Variants in SH3GL3 observed in about 807,000 individuals in gnomAD.
The protein encoded by SH3GL3 is SH3 domain containing GRB2 like 3, endophilin A3, also known as endophilin-A3.
In SH3GL3, 33 loss-of-function variants were observed where a neutral mutation model predicts 47.7. The ratio of observed to expected loss-of-function variants is 0.69; its 90% CI spans 0.52 to 0.92. SH3GL3 has a LOEUF of 0.92. SH3GL3 is among the 40% of genes least tolerant of loss of function. The probability of loss-of-function intolerance (pLI) is 0.00; values close to 1 mark genes in which losing one functional copy is unlikely to be tolerated. For missense variants in SH3GL3, 363 were observed against 417.8 expected (o/e 0.87, Z 1.14); for synonymous variants, 155 against 148.8 (o/e 1.04, Z -0.30).
chr15:83,524,005 T>C (rs1366736220), intron 1 of SH3GL3, among the ~76,000 whole-genome samples: 2 of 150,904 alleles, frequency 1.3e-5, no homozygotes, highest in African/African-American at 4.9e-5. Context: ...AGAAAGTTAG[T>C]AGGAACTGGT....
intron 1 of SH3GL3, among the ~76,000 whole-genome samples, chr15:83,503,873 A>C (rs149182885): frequency 2.3e-4 from 35 of 152,362 alleles, no homozygotes; most frequent in Middle Eastern, 6.8e-3. Flanking sequence ...ATAGTGTAAG[A>C]AAAGGCGCAT....
At position 83,609,108 on chromosome 15, in the gene SH3GL3, G is replaced by A. The variant is rs569845029; in HGVS notation, c.839-8974G>A. Among the ~76,000 whole-genome samples, 11 of 152,264 alleles carry A rather than the reference G, an allele frequency of 7.2e-5. No individual in the cohort carries two copies. The East Asian group carries it at 9.7e-4, about 13-fold the overall frequency. On this transcript the variant is annotated intron_variant, in intron 8 of 8. Coordinates refer to ENST00000427482, the MANE Select transcript of SH3GL3 (RefSeq NM_003027.5). Reference sequence around the variant, plus strand: ...GTTCATACCTTTGGGTCTCAATTTCGTCATCTGACGAGTGCGGATTCTCAT... The same window carrying A: ...GTTCATACCTTTGGGTCTCAATTTCATCATCTGACGAGTGCGGATTCTCAT...
chr15:83,581,949 C>G (rs2059838866), intron 6 of SH3GL3, among the ~76,000 whole-genome samples: 2 of 152,160 alleles, frequency 1.3e-5, no homozygotes, highest in South Asian at 4.1e-4. Flanking sequence ...CTCCAACTTT[C>G]CAGGGATCCA....
chr15:83,592,218 A>C (rs2060126437), intron 8 of SH3GL3, among the ~76,000 whole-genome samples: 2 of 152,194 alleles, frequency 1.3e-5, no homozygotes, highest in African/African-American at 4.8e-5. Flanking sequence ...TTAGCTTCCT[A>C]ACCCTTGGTC....
intron 4 of SH3GL3, among the ~76,000 whole-genome samples, 188 bp from the exon 5 acceptor site, chr15:83,572,377 G>C (rs1185728147): frequency 6.6e-6 from 1 of 152,170 alleles, no homozygotes; most frequent in African/African-American, 2.4e-5. Context: ...AGACCATAGA[G>C]AGGAAAATAC....
intron 1 of SH3GL3, among the ~76,000 whole-genome samples, chr15:83,475,656 C>T (rs2041063172): frequency 1.3e-5 from 2 of 152,198 alleles, no homozygotes; most frequent in Non-Finnish European, 1.5e-5. Flanking sequence ...ATTTTGGTTA[C>T]TTCCTGTGCC....
intron 1 of SH3GL3, among the ~76,000 whole-genome samples, chr15:83,510,854 C>T (rs1317285286): frequency 6.6e-6 from 1 of 151,636 alleles, no homozygotes; most frequent in African/African-American, 2.4e-5. Flanking sequence ...AGAGCATATC[C>T]ACCGCCAAGC....
At position 83,448,223 on chromosome 15, in the gene SH3GL3, A is replaced by T. The variant is rs2039544021; in HGVS notation, c.45+645A>T. On this transcript the variant is annotated intron_variant, in intron 1 of 8. Transcript: ENST00000427482. This position sits in a 1 kb window ranked among gnomAD's most constrained non-coding sequence, Gnocchi z 4.2. ...AGAGCTGACAGCCTGCAGGGGAGAC[A>T]CGGAGACAGACACGTAAACAAACAG... Among the ~76,000 whole-genome samples, 1 of 152,200 alleles carries T rather than the reference A, an allele frequency of 6.6e-6. No homozygotes were observed. Among genetic ancestry groups the T allele is most frequent in the African/African-American group, 2.4e-5 (1 of 41,460 alleles).
At chr15:83,489,837 C>CGATAGATAGATAGATA (rs60233650) in intron 1 of SH3GL3, among the ~76,000 whole-genome samples, 2 of 144,642 alleles carry the variant, frequency 1.4e-5, no homozygotes, top group African/African-American at 2.6e-5. Flanking sequence ...TGTCAGAAGC[C>CGATAGATAGATAGATA]GATAGATAGA....
In SH3GL3 at chr15:83,510,092, T is replaced by C. The variant is rs1490592689; in HGVS notation, c.46-49161T>C. On this transcript the variant is annotated intron_variant, in intron 1 of 8. Transcript: ENST00000427482. ...AGTGTCATGGAAGGCTTAAGGATTCTTTTTTTTTTTTGCTGATACAAAGTA... is the reference window on the plus strand; with the variant it reads ...AGTGTCATGGAAGGCTTAAGGATTCCTTTTTTTTTTTGCTGATACAAAGTA... Among the ~76,000 whole-genome samples, 3 of 5,276 alleles carry C rather than the reference T, an allele frequency of 5.7e-4. No individual in the cohort carries two copies. The East Asian group carries it at 7.1e-3, about 13-fold the overall frequency. The allele number at this position is 5,276 out of a possible 152,430, so 3.5% of individuals were successfully genotyped here.
intron 1 of SH3GL3, among the ~76,000 whole-genome samples, chr15:83,516,560 TAAC>T (rs2042987091): frequency 6.6e-6 from 1 of 152,034 alleles, no homozygotes; most frequent in South Asian, 2.1e-4. Context: ...TTCGGGAAGA[TAAC>T]AATCACAGTG....
At chr15:83,559,107 C>G (rs2045114379) in intron 1 of SH3GL3, 146 bp from the exon 2 acceptor site, 2 of 619,716 alleles carry the variant, frequency 3.2e-6, no homozygotes, top group Admixed American at 5.8e-5. Context: ...TATGGTTACC[C>G]CTTCCAACAA....
At chr15:83,501,489 A>G (rs1422721967) in intron 1 of SH3GL3, among the ~76,000 whole-genome samples, 2 of 152,242 alleles carry the variant, frequency 1.3e-5, no homozygotes, top group Non-Finnish European at 2.9e-5. Flanking sequence ...GATTATTGGC[A>G]TCGCAAGAGG....
chr15:83,559,383 C>A, intron 2 of SH3GL3, 62 bp downstream of exon 2: 1 of 881,588 alleles, frequency 1.1e-6, no homozygotes, highest in South Asian at 1.3e-5. Flanking sequence ...ATGAGATATA[C>A]TGCTATTGTA....
At chr15:83,613,534 G>A (rs1362083265) in intron 8 of SH3GL3, among the ~76,000 whole-genome samples, 1 of 152,156 alleles carries the variant, frequency 6.6e-6, no homozygotes, top group East Asian at 1.9e-4. Flanking sequence ...TGGAGGTGGT[G>A]CATACACTTG....
At chr15:83,564,358 T>C (rs2045434126) in intron 2 of SH3GL3, among the ~76,000 whole-genome samples, 1 of 152,240 alleles carries the variant, frequency 6.6e-6, no homozygotes, top group South Asian at 2.1e-4. Flanking sequence ...GTTTTTCAAA[T>C]AGGTGTTGTG....
chr15:83,526,294 G>A (rs1392716175), intron 1 of SH3GL3, among the ~76,000 whole-genome samples: 2 of 152,124 alleles, frequency 1.3e-5, no homozygotes, highest in African/African-American at 4.8e-5. Context: ...CTGCCATTTG[G>A]CCCAGCAATC....
At chr15:83,617,583 C>T (rs981851248) in intron 8 of SH3GL3, among the ~76,000 whole-genome samples, 4 of 152,142 alleles carry the variant, frequency 2.6e-5, no homozygotes, top group East Asian at 1.9e-4. Flanking sequence ...GGCTGAGGCA[C>T]GAAAATTTCT....
intron 8 of SH3GL3, among the ~76,000 whole-genome samples, chr15:83,605,247 G>T (rs2060486228): frequency 6.6e-6 from 1 of 152,112 alleles, no homozygotes; most frequent in African/African-American, 2.4e-5. Flanking sequence ...GTTTCCCTCG[G>T]TAGTAGCTTC....
Sources: gnomAD v4.1 joint callset for allele counts (sites outside exome capture counted in the v4.1 genomes callset) on GRCh38, gnomAD v4.1.1 for gene constraint, Gnocchi (gnomAD v3.1) non-coding constraint, MANE v1.5 for transcripts, NCBI Gene and HGNC (gene_info 2026-07-23, HGNC 2026-07-21) for gene names.